Variants in CNKSR3 observed in about 807,000 individuals in gnomAD.
CNKSR3 encodes CNKSR family member 3.
CNKSR3 carries 36 observed loss-of-function variants against 67.7 expected under a neutral mutation model. That is an observed-to-expected ratio of 0.53 (90% CI 0.41 to 0.70). CNKSR3 has a LOEUF of 0.70. Among genes scored for constraint, CNKSR3 ranks in the 30% least tolerant of loss-of-function variants. CNKSR3 has a pLI of 0.00. For missense variants in CNKSR3, 630 were observed against 695.2 expected, an observed-to-expected ratio of 0.91 and a Z score of 1.05; for synonymous variants, 281 against 271.4, an observed-to-expected ratio of 1.04 and a Z score of -0.35.
chr6:154,453,119 T>G (rs997139293), intron 1 of CNKSR3, among the ~76,000 whole-genome samples: 1 of 152,216 alleles, frequency 6.6e-6, no homozygotes, highest in Non-Finnish European at 1.5e-5. Context: ...CACTGAGAGA[T>G]TCACATTCGT....
At chr6:154,486,038 C>A (rs1786658860) in intron 1 of CNKSR3, among the ~76,000 whole-genome samples, 1 of 152,154 alleles carries the variant, frequency 6.6e-6, no homozygotes, top group Admixed American at 6.5e-5. Context: ...TCAAAAGCAG[C>A]AGTAAAGCAG....
chr6:154,467,457 C>A (rs544170075), intron 1 of CNKSR3, among the ~76,000 whole-genome samples: 1 of 152,288 alleles, frequency 6.6e-6, no homozygotes, highest in Admixed American at 6.5e-5. Flanking sequence ...TACACACTGT[C>A]AACAGGTGGT....
rs575186453 is a variant in CNKSR3, at chr6:154,504,189, A to G, written c.52+5874T>C. On this transcript the variant is annotated intron_variant, in intron 1 of 12. Coordinates refer to ENST00000607772, the MANE Select transcript of CNKSR3 (RefSeq NM_173515.4). ...AAAGTGAGGAAATATGGCTCAAACT[A>G]ATTTACCCAAGGAAAGCTCACGAAA... Among the ~76,000 whole-genome samples the G allele has an allele frequency of 3.7e-3, 556 of 152,240 alleles. 1 individual carries two copies. The highest frequency in any genetic ancestry group is 0.017 in the Middle Eastern group (5 of 294).
At chr6:154,503,521 G>A (rs976687115) in intron 1 of CNKSR3, among the ~76,000 whole-genome samples, 11 of 151,624 alleles carry the variant, frequency 7.3e-5, no homozygotes, top group Admixed American at 2.6e-4. Context: ...CCAGCTACTT[G>A]GGAGGATGAC....
chr6:154,499,069 G>A (rs2153071), intron 1 of CNKSR3, among the ~76,000 whole-genome samples: 62,783 of 151,978 alleles, frequency 0.41, 13,484 homozygotes, highest in African/African-American at 0.54. Flanking sequence ...ACAGGGACAG[G>A]ACGGAAGGAT....
Position 154,389,385 on chromosome 6 carries a change from A to G in CNKSR3, c.*16969T>C, listed in dbSNP as rs900030315. 6.6e-6 allele frequency: 1 copy of G among 152,406 alleles called. No individual in the cohort carries two copies. Among genetic ancestry groups the G allele is most frequent in the African/African-American group, 2.4e-5 (1 of 41,448 alleles). 9.4% of individuals were successfully genotyped at this position (152,406 alleles called of 1,614,324 possible). A position where few individuals can be genotyped will look rare whatever the true frequency, so the allele number is the denominator to read the frequency against. On this transcript the variant is annotated 3_prime_UTR_variant, in exon 13 of 13. Coordinates refer to ENST00000607772, the MANE Select transcript of CNKSR3 (RefSeq NM_173515.4). ...TATGTATTCTTGGCACCATTGTTGA[A>G]GATCAGTTGACAATATACATGTGAA...
At chr6:154,409,863 T>C (rs1052788765) in intron 12 of CNKSR3, among the ~76,000 whole-genome samples, 6 of 145,338 alleles carry the variant, frequency 4.1e-5, no homozygotes, top group Non-Finnish European at 7.6e-5. Context: ...GGACAACATA[T>C]TGAGACTCTG....
intron 10 of CNKSR3, among the ~76,000 whole-genome samples, chr6:154,412,735 C>G (rs1162030982): frequency 6.6e-6 from 1 of 152,108 alleles, no homozygotes; most frequent in Non-Finnish European, 1.5e-5. Flanking sequence ...GAAGCAAATA[C>G]CTCAGCTTCA....
chr6:154,487,979 T>A (rs1268709719), intron 1 of CNKSR3, among the ~76,000 whole-genome samples: 1 of 152,198 alleles, frequency 6.6e-6, no homozygotes, highest in Non-Finnish European at 1.5e-5. Flanking sequence ...AAAAGAATGT[T>A]AACTACATGA....
In CNKSR3 at chr6:154,391,260, G is replaced by C. The variant is rs1172774916; in HGVS notation, c.*15094C>G. 2.6e-5 allele frequency: 4 copies of C among 151,762 alleles called. No homozygotes were observed. The highest frequency in any genetic ancestry group is 2.1e-4 in the South Asian group (1 of 4,806). The allele number at this position is 151,762 out of a possible 1,614,324, so 9.4% of individuals were successfully genotyped here. ...ACTTTTTTTCTTTTTTTGAGACGGGGTCTCACTCTGTCACCCAGGCTGGAG... is the reference window on the plus strand; with the variant it reads ...ACTTTTTTTCTTTTTTTGAGACGGGCTCTCACTCTGTCACCCAGGCTGGAG... On this transcript the variant is annotated 3_prime_UTR_variant, in exon 13 of 13. Transcript: ENST00000607772.
At chr6:154,505,951 A>C (rs1237965108) in intron 1 of CNKSR3, among the ~76,000 whole-genome samples, 1 of 152,238 alleles carries the variant, frequency 6.6e-6, no homozygotes, top group Non-Finnish European at 1.5e-5. Context: ...TGGTAGCTGC[A>C]TTTGACAATG....
At chr6:154,473,550 ACAG>A (rs1175394228) in intron 1 of CNKSR3, among the ~76,000 whole-genome samples, 1 of 152,170 alleles carries the variant, frequency 6.6e-6, no homozygotes, top group African/African-American at 2.4e-5. Context: ...TAAACAAGGC[ACAG>A]AAGAGGAATG....
In CNKSR3 at chr6:154,450,258, C is replaced by T. The variant is rs562824410; in HGVS notation, c.53G>A (p.Gly18Glu). 1.2e-6 allele frequency: 2 copies of T among 1,613,408 alleles called. No homozygotes were observed. The highest frequency in any genetic ancestry group is 2.2e-5 in the East Asian group (1 of 44,862). The change falls in exon 2 of 13, where the codon GGG (glycine) becomes GAG (glutamate). Residue 18 changes from glycine to glutamate, a missense_variant and splice_region_variant. By Grantham distance (98) the Gly-to-Glu change is moderately conservative (BLOSUM62 -2). This residue lies in a region of CNKSR3 where 189 missense variants were observed against 205.0 expected (regional missense o/e 0.92). Coordinates refer to ENST00000607772, the MANE Select transcript of CNKSR3 (RefSeq NM_173515.4). Reference protein sequence around the residue: ...SPKQVVDWTRGLDDCLQQYVH... With the variant: ...SPKQVVDWTRELDDCLQQYVH... ...ATATTGTTGCAGGCAGTCATCCAACCCTGCCAAAAACAATCAGAAGTCCCA... is the reference window on the plus strand; with the variant it reads ...ATATTGTTGCAGGCAGTCATCCAACTCTGCCAAAAACAATCAGAAGTCCCA...
chr6:154,474,256 A>G (rs555515263), intron 1 of CNKSR3, among the ~76,000 whole-genome samples: 2 of 151,720 alleles, frequency 1.3e-5, no homozygotes, highest in South Asian at 2.1e-4. Context: ...ACTAAAAAAC[A>G]TAAAAAATTA....
chr6:154,469,610 G>A (rs1378619717), intron 1 of CNKSR3, among the ~76,000 whole-genome samples: 1 of 152,184 alleles, frequency 6.6e-6, no homozygotes, highest in Admixed American at 6.5e-5. Flanking sequence ...CCAGTCCTAT[G>A]TTCTTTTGCT....
chr6:154,443,813 C>G (rs965770136), intron 2 of CNKSR3, among the ~76,000 whole-genome samples: 1 of 152,150 alleles, frequency 6.6e-6, no homozygotes, highest in Non-Finnish European at 1.5e-5. Flanking sequence ...GAGCTATGAT[C>G]GTGCCACTGT....
At chr6:154,492,917 C>T (rs1370026562) in intron 1 of CNKSR3, among the ~76,000 whole-genome samples, 1 of 152,132 alleles carries the variant, frequency 6.6e-6, no homozygotes, top group African/African-American at 2.4e-5. Context: ...ACTGGCCTTT[C>T]AGAATACCCG....
chr6:154,486,634 A>G (rs1206379714), intron 1 of CNKSR3, among the ~76,000 whole-genome samples: 4 of 150,402 alleles, frequency 2.7e-5, no homozygotes, highest in Non-Finnish European at 4.4e-5. Context: ...CTGGGATTAC[A>G]GGCACACACC....
At chr6:154,444,552 G>A (rs1253599438) in intron 2 of CNKSR3, among the ~76,000 whole-genome samples, 1 of 151,336 alleles carries the variant, frequency 6.6e-6, no homozygotes, top group Admixed American at 6.6e-5. Context: ...AGCACAAGCT[G>A]AATAGCTATT....
Sources: allele counts gnomAD v4.1 joint callset (sites outside exome capture counted in the v4.1 genomes callset), GRCh38; gene constraint gnomAD v4.1.1; regional missense constraint gnomAD v4.1.1; transcripts MANE v1.5; gene names NCBI Gene and HGNC (gene_info 2026-07-23, HGNC 2026-07-21).